PON1: variants seen among roughly 807,000 people sequenced by gnomAD.
PON1 encodes serum paraoxonase/arylesterase 1.
A neutral mutation model predicts 39.2 loss-of-function variants in PON1; 37 were observed. The observed-to-expected ratio is 0.94, with a 90% confidence interval of 0.73 to 1.24. The LOEUF is 1.24. Among genes scored for constraint, PON1 ranks in the 50% most tolerant of loss-of-function variants. The pLI, the probability that PON1 is intolerant of heterozygous loss-of-function variation, is 0.00. For missense variants in PON1, 397 were observed against 413.5 expected, an observed-to-expected ratio of 0.96 and a Z score of 0.35; for synonymous variants, 148 against 152.2, an observed-to-expected ratio of 0.97 and a Z score of 0.21.
At chr7:95,310,060 A>G (rs1371833327) in intron 5 of PON1, among the ~76,000 whole-genome samples, 1 of 152,214 alleles carries the variant, frequency 6.6e-6, no homozygotes. Context: ...GTTAAAACAC[A>G]TAATTTTTTT....
intron 4 of PON1, among the ~76,000 whole-genome samples, chr7:95,314,280 A>G (rs1447637502): frequency 1.3e-5 from 2 of 152,034 alleles, no homozygotes. Flanking sequence ...GAATTGCTTG[A>G]ACCCGGGAGG....
rs1275403785 is a variant in PON1 at position 95,298,995 on chromosome 7, C to G, written c.1017G>C (p.Gly339=). Residue 339 remains glycine (G), a synonymous_variant, in exon 9 of 9, where the codon GGG becomes GGC. Coordinates refer to ENST00000222381, the MANE Select transcript of PON1 (RefSeq NM_000446.7). ...GAAACACTGTGCCAATCAGCAGTTT[C>G]CCTTTGTACACAGAGGCAACTGTAC... The part of the protein sequence containing the change: ...QGSTVASVYK[G]KLLIGTVFHK... 1 of 1,614,046 alleles carries G rather than the reference C, an allele frequency of 6.2e-7. No homozygotes were observed.
At position 95,298,138 on chromosome 7, in the gene PON1, C is replaced by T. The variant is rs554560972; in HGVS notation, c.*806G>A. The T allele has an allele frequency of 6.6e-6, 1 of 152,320 alleles. No individual in the cohort carries two copies. The highest frequency in any genetic ancestry group is 1.9e-4 in the East Asian group (1 of 5,158). The allele number at this position is 152,320 out of a possible 1,614,324, so 9.4% of individuals were successfully genotyped here. ...AACAACAGTGTAGTCTTTGGGGACA[C>T]TTTTAGCTTCGCCCATGTCAATTAT... On this transcript the variant is annotated 3_prime_UTR_variant, in exon 9 of 9. Coordinates refer to ENST00000222381, the MANE Select transcript of PON1 (RefSeq NM_000446.7).
At chr7:95,308,475 CGTGTGTGTGTGTGTGTGT>C (rs10548570) in intron 5 of PON1, among the ~76,000 whole-genome samples, 9 of 147,188 alleles carry the variant, frequency 6.1e-5, no homozygotes, top group Admixed American at 2.1e-4. Context: ...AGTGTTACGT[CGTGTGTGTGTGTGTGTGT>C]GTGTGTGTGT....
At chr7:95,323,500 AT>A (rs924339278) in intron 1 of PON1, among the ~76,000 whole-genome samples, 7 of 152,054 alleles carry the variant, frequency 4.6e-5, no homozygotes, top group African/African-American at 1.7e-4. Context: ...AGCTCATATA[AT>A]TTTTTTATAT....
intron 6 of PON1, among the ~76,000 whole-genome samples, chr7:95,307,422 C>T (rs1807565906): frequency 1.3e-5 from 2 of 152,068 alleles, no homozygotes; most frequent in South Asian, 4.2e-4. Context: ...TGAGAAAGGG[C>T]ATATATGTGG....
At chr7:95,305,310 T>C (rs1318759564) in intron 7 of PON1, among the ~76,000 whole-genome samples, 1 of 152,170 alleles carries the variant, frequency 6.6e-6, no homozygotes, top group Admixed American at 6.5e-5. Context: ...TTGGTCTCTT[T>C]TTCCTCTCCT....
chr7:95,302,109 A>C (rs563022921), intron 8 of PON1, 96 bp downstream of exon 8: 506 of 825,754 alleles, frequency 6.1e-4, no homozygotes, highest in South Asian at 8.1e-4. Flanking sequence ...AAAAAAAAAA[A>C]AAAAAAAAAA....
chr7:95,304,328 T>C (rs745960263), intron 7 of PON1, among the ~76,000 whole-genome samples: 13 of 73,532 alleles, frequency 1.8e-4, no homozygotes, highest in Non-Finnish European at 2.7e-4. Context: ...ACTTCATTCC[T>C]TTTTTTTTTT....
At chr7:95,303,157 T>C (rs1807469273) in intron 7 of PON1, among the ~76,000 whole-genome samples, 1 of 152,132 alleles carries the variant, frequency 6.6e-6, no homozygotes, top group Non-Finnish European at 1.5e-5. Flanking sequence ...CATGACTCAT[T>C]GAAAAAGCCA....
intron 1 of PON1, among the ~76,000 whole-genome samples, chr7:95,323,234 G>C (rs1164919016): frequency 1.3e-5 from 2 of 152,074 alleles, no homozygotes; most frequent in African/African-American, 4.8e-5. Context: ...TCCTTCCTCT[G>C]TCTGGGTCAC....
Position 95,308,016 on chromosome 7 carries a change from A to G in PON1, c.693T>C (p.Asp231=), listed in dbSNP as rs761921244. 1.2e-6 allele frequency: 2 copies of G among 1,613,394 alleles called. No homozygotes were observed. Among genetic ancestry groups the G allele is most frequent in the Admixed American group, 1.7e-5 (1 of 59,998 alleles). ...DFANGINISP[D]GKYVYIAELL... ...ATTTCAGAGAGTTCACATACTTGCCATCGGGTGAAATGTTGATTCCATTAG... is the reference window on the plus strand; with the variant it reads ...ATTTCAGAGAGTTCACATACTTGCCGTCGGGTGAAATGTTGATTCCATTAG... The change falls in exon 6 of 9, where the codon GAT becomes GAC. Residue 231 remains aspartate (D), a synonymous_variant. Transcript: ENST00000222381.
In PON1 at chr7:95,315,305, A is replaced by G. The variant is rs773821489; in HGVS notation, c.370+17T>C. 25 of 1,604,872 alleles carry G rather than the reference A, an allele frequency of 1.6e-5. No homozygotes were observed. The South Asian group carries it at 2.6e-4, about 17-fold the overall frequency. ...TTAAGTTTGGTTTTGGTTTTAATAA[A>G]TAGTAAATATTGTTACCTTCATCTG... On this transcript the variant is annotated intron_variant, in intron 4 of 8. Coordinates refer to ENST00000222381, the MANE Select transcript of PON1 (RefSeq NM_000446.7).
Position 95,315,390 on chromosome 7 carries a change from C to G in PON1, c.302G>C (p.Gly101Ala), listed in dbSNP as rs773908248. ...TACATCAAATTTACTTCCAGTGATC[C>G]CCAATTCCAACACTGTTGGATCTTC... is the stretch of plus-strand genomic sequence containing the variant. ...NEEDPTVLEL[G>A]ITGSKFDVSS... Residue 101 changes from glycine to alanine, a missense_variant, in exon 4 of 9, where the codon GGG becomes GCG. Gly to Ala is a moderately conservative substitution (Grantham distance 60, BLOSUM62 0). Transcript: ENST00000222381. 6.8e-6 allele frequency: 11 copies of G among 1,613,376 alleles called. No homozygotes were observed. The highest frequency in any genetic ancestry group is 9.3e-6 in the Non-Finnish European group (11 of 1,179,498).
chr7:95,311,705 C>G (rs1232661578), intron 4 of PON1, 128 bp from the exon 5 acceptor site: 1 of 1,017,656 alleles, frequency 9.8e-7, no homozygotes, highest in Non-Finnish European at 1.5e-6. Flanking sequence ...ATATTTTCAT[C>G]TCTTTGTAGA....
At chr7:95,300,823 A>G (rs1055144310) in intron 8 of PON1, among the ~76,000 whole-genome samples, 5 of 152,200 alleles carry the variant, frequency 3.3e-5, no homozygotes, top group Non-Finnish European at 7.4e-5. Flanking sequence ...TCCACAGCAT[A>G]CATTTCTTCA....
At chr7:95,321,163 T>C (rs911570855) in intron 1 of PON1, among the ~76,000 whole-genome samples, 1 of 152,090 alleles carries the variant, frequency 6.6e-6, no homozygotes, top group Non-Finnish European at 1.5e-5. Flanking sequence ...TCGAAATGAA[T>C]AGAGTGAGAA....
chr7:95,308,273 TAAC>T (rs1807584477), intron 5 of PON1, 62 bp from the exon 6 acceptor site: 1 of 1,467,280 alleles, frequency 6.8e-7, no homozygotes, highest in African/African-American at 1.4e-5. Flanking sequence ...ACAGGATTAT[TAAC>T]TGGCATTCCT....
At chr7:95,321,791 T>C (rs1412241670) in intron 1 of PON1, among the ~76,000 whole-genome samples, 1 of 152,202 alleles carries the variant, frequency 6.6e-6, no homozygotes, top group African/African-American at 2.4e-5. Flanking sequence ...CCCCTACTCA[T>C]GATGCTTTGT....
Sources: allele counts gnomAD v4.1 joint callset (sites outside exome capture counted in the v4.1 genomes callset), GRCh38; gene constraint gnomAD v4.1.1; transcripts MANE v1.5; gene names NCBI Gene and HGNC (gene_info 2026-07-23, HGNC 2026-07-21).